SPAG16: variants seen among roughly 807,000 people sequenced by gnomAD.
SPAG16 encodes the protein sperm associated antigen 16.
SPAG16 carries 86 observed loss-of-function variants against 80.4 expected under a neutral mutation model. That is an observed-to-expected ratio of 1.07 (90% CI 0.90 to 1.28). The LOEUF is 1.28. Ranked by LOEUF, SPAG16 falls within the 50% of genes most tolerant of loss-of-function variation. The pLI is 0.00. For synonymous variants in SPAG16, 294 were observed against 265.9 expected (o/e 1.11, Z -1.03); for missense variants, 870 against 765.3 (o/e 1.14, Z -1.61).
At chr2:213,727,832 A>G (rs1007125136) in intron 10 of SPAG16, among the ~76,000 whole-genome samples, 3 of 152,150 alleles carry the variant, frequency 2.0e-5, no homozygotes, top group Non-Finnish European at 4.4e-5. Flanking sequence ...GTCAGATTAG[A>G]TGAATGACTT....
At chr2:214,168,712 T>C (rs995578655) in intron 15 of SPAG16, among the ~76,000 whole-genome samples, 13 of 152,144 alleles carry the variant, frequency 8.5e-5, no homozygotes, top group African/African-American at 2.9e-4. Flanking sequence ...AGACCATTAG[T>C]TAAAAAAATG....
chr2:213,973,174 C>T (rs942103140), intron 12 of SPAG16, among the ~76,000 whole-genome samples: 1 of 152,122 alleles, frequency 6.6e-6, no homozygotes, highest in Non-Finnish European at 1.5e-5. Context: ...TGCATCCTAT[C>T]CTAGTCATGT....
At chr2:214,408,856 G>A (rs73987316) in intron 15 of SPAG16, among the ~76,000 whole-genome samples, 85 of 152,050 alleles carry the variant, frequency 5.6e-4, no homozygotes, top group African/African-American at 1.7e-3. Context: ...AAGTTACTTC[G>A]CCTTTCCAAG....
intron 10 of SPAG16, among the ~76,000 whole-genome samples, chr2:213,736,860 A>G (rs1003918689): frequency 1.1e-4 from 16 of 151,688 alleles, no homozygotes; most frequent in African/African-American, 3.9e-4. Flanking sequence ...GCGCACCACC[A>G]TGCCCAGCTA....
chr2:213,644,833 A>G (rs2062761730), intron 10 of SPAG16, among the ~76,000 whole-genome samples: 1 of 152,126 alleles, frequency 6.6e-6, no homozygotes. Flanking sequence ...CATCTCACCC[A>G]AGGCCTGCTG....
intron 15 of SPAG16, among the ~76,000 whole-genome samples, chr2:214,319,571 G>C (rs993821183): frequency 1.3e-5 from 2 of 151,984 alleles, no homozygotes; most frequent in East Asian, 3.9e-4. Flanking sequence ...TGAAAGTCAT[G>C]GTAGAAGTTG....
chr2:213,287,539 A>G (rs2062099738), intron 1 of SPAG16, among the ~76,000 whole-genome samples: 1 of 152,204 alleles, frequency 6.6e-6, no homozygotes, highest in African/African-American at 2.4e-5. Flanking sequence ...TTTTTGTTAC[A>G]TACCTCCCTC....
intron 13 of SPAG16, among the ~76,000 whole-genome samples, chr2:214,064,391 C>T (rs1406863011): frequency 6.6e-6 from 1 of 151,890 alleles, no homozygotes; most frequent in Non-Finnish European, 1.5e-5. Context: ...AGCAATTATT[C>T]TCTTGTTCTA....
chr2:213,794,612 G>T (rs2070910744), intron 10 of SPAG16, among the ~76,000 whole-genome samples: 1 of 152,050 alleles, frequency 6.6e-6, no homozygotes, highest in African/African-American at 2.4e-5. Context: ...TTGTTGGACT[G>T]GTAGCTAAAG....
intron 10 of SPAG16, among the ~76,000 whole-genome samples, chr2:213,684,928 A>G (rs1163644472): frequency 3.3e-5 from 5 of 152,208 alleles, no homozygotes; most frequent in Non-Finnish European, 1.5e-5. Flanking sequence ...TACATGTGCT[A>G]TGAAGGAGTG....
chr2:214,348,087 A>ACTAT (rs1413897493), intron 15 of SPAG16, among the ~76,000 whole-genome samples: 1 of 152,282 alleles, frequency 6.6e-6, no homozygotes, highest in Admixed American at 6.5e-5. Context: ...GTCTACTGTC[A>ACTAT]CTATCTTATG....
At chr2:214,109,114 C>T (rs566280608) in intron 14 of SPAG16, among the ~76,000 whole-genome samples, 1 of 152,236 alleles carries the variant, frequency 6.6e-6, no homozygotes, top group Admixed American at 6.5e-5. Flanking sequence ...TGGGATGACA[C>T]AGCACAAAGG....
chr2:213,578,367 A>G (rs1392038278), intron 10 of SPAG16, among the ~76,000 whole-genome samples: 2 of 152,162 alleles, frequency 1.3e-5, no homozygotes, highest in African/African-American at 4.8e-5. Context: ...ATTAATGTCA[A>G]CTGAAAAAAG....
At chr2:213,600,244 C>T (rs905917526) in intron 10 of SPAG16, among the ~76,000 whole-genome samples, 1 of 152,150 alleles carries the variant, frequency 6.6e-6, no homozygotes, top group Admixed American at 6.5e-5. Flanking sequence ...CTCTCCATTT[C>T]AAGAAACCTA....
chr2:213,950,705 T>TC (rs1376211407), intron 12 of SPAG16, among the ~76,000 whole-genome samples: 22,437 of 117,296 alleles, frequency 0.19, 2,404 homozygotes, highest in South Asian at 0.29. Context: ...TTTCTTTCTT[T>TC]TTTTTTTTTT....
chr2:214,297,220 C>T (rs1043915062), intron 15 of SPAG16, among the ~76,000 whole-genome samples: 12 of 151,962 alleles, frequency 7.9e-5, no homozygotes, highest in Admixed American at 3.9e-4. Flanking sequence ...AATCTTTTGT[C>T]GGAGTCATAA....
chr2:213,809,125 C>G (rs2071961342), intron 10 of SPAG16, among the ~76,000 whole-genome samples: 1 of 152,126 alleles, frequency 6.6e-6, no homozygotes, highest in African/African-American at 2.4e-5. Context: ...TGTGTGTCTC[C>G]CCATTAACAG....
chr2:214,322,411 A>G (rs1326666622), intron 15 of SPAG16, among the ~76,000 whole-genome samples: 4 of 152,080 alleles, frequency 2.6e-5, no homozygotes, highest in African/African-American at 9.7e-5. Context: ...ATAGTTGTTA[A>G]ATAAATTGAT....
chr2:213,664,040 T>C lies in SPAG16; in HGVS notation c.1070+173950T>C, dbSNP rs756788269. On this transcript the variant is annotated intron_variant, in intron 10 of 15. Coordinates refer to ENST00000331683, the MANE Select transcript of SPAG16 (RefSeq NM_024532.5). ...TTGAAGTGTTGTCAGGGCTAGTTTC[T>C]TCTGGAGACTCTACAGGAGAATTAG... 4.6e-4 allele frequency among the ~76,000 whole-genome samples: 70 copies of C among 152,228 alleles called. 1 individual carries two copies. Among genetic ancestry groups the C allele is most frequent in the South Asian group, 1.7e-3 (8 of 4,832 alleles).
Sources: allele counts gnomAD v4.1 joint callset (sites outside exome capture counted in the v4.1 genomes callset), GRCh38; gene constraint gnomAD v4.1.1; transcripts MANE v1.5; gene names NCBI Gene and HGNC (gene_info 2026-07-23, HGNC 2026-07-21).